The following CEP97 variants were observed in gnomAD, a reference collection of about 807,000 sequenced individuals.
CEP97 encodes centrosomal protein of 97 kDa.
A neutral mutation model predicts 73.1 loss-of-function variants in CEP97; 43 were observed. That is an observed-to-expected ratio of 0.59 (90% confidence interval 0.46 to 0.76). The LOEUF (loss-of-function observed/expected upper bound fraction) is 0.76. Among genes scored for constraint, CEP97 ranks in the 30% least tolerant of loss-of-function variants. The probability of loss-of-function intolerance (pLI) is 0.00; values close to 1 mark genes in which losing one functional copy is unlikely to be tolerated. For missense variants in CEP97, 939 were observed against 1,014.0 expected (o/e 0.93, Z 1.00); for synonymous variants, 337 against 370.0 (o/e 0.91, Z 1.02).
chr3:101,769,042 T>C lies in CEP97; in HGVS notation c.*3491T>C, dbSNP rs2107204334. On this transcript the variant is annotated 3_prime_UTR_variant, in exon 11 of 11. Transcript: ENST00000341893. ...TCTTGAGCGTGTGTTTTTATCTGTT[T>C]TGGATTATTTTTTGTATACAAACAC... 1 of 152,340 alleles carries C rather than the reference T, an allele frequency of 6.6e-6. No homozygotes were observed. The highest frequency in any genetic ancestry group is 1.9e-4 in the East Asian group (1 of 5,192). The allele number at this position is 152,340 out of a possible 1,614,324, so 9.4% of individuals were successfully genotyped here. A position where few individuals can be genotyped will look rare whatever the true frequency, so the allele number is the denominator to read the frequency against.
intron 6 of CEP97, among the ~76,000 whole-genome samples, chr3:101,747,258 CTTT>C (rs35085560): frequency 1.5e-5 from 2 of 129,730 alleles, no homozygotes; most frequent in Non-Finnish European, 3.3e-5. Context: ...TTCAGAACTC[CTTT>C]TTTTTTTTTT....
chr3:101,729,423 G>A (rs1460537551), intron 4 of CEP97, among the ~76,000 whole-genome samples: 1 of 151,966 alleles, frequency 6.6e-6, no homozygotes, highest in Non-Finnish European at 1.5e-5. Context: ...TTTATTTGAT[G>A]TGAAACTGGT....
chr3:101,726,505 A>G (rs1056785163), intron 1 of CEP97, 89 bp from the exon 2 acceptor site: 2 of 911,910 alleles, frequency 2.2e-6, no homozygotes, highest in African/African-American at 1.7e-5. Flanking sequence ...TTGAAATGGT[A>G]TAGAGATTTT....
At chr3:101,732,023 T>C in intron 5 of CEP97, 70 bp downstream of exon 5, 1 of 882,246 alleles carries the variant, frequency 1.1e-6, no homozygotes, top group East Asian at 2.4e-5. Context: ...GAGAGGGTTG[T>C]GAGCTTACTT....
Position 101,752,648 on chromosome 3 carries a change from C to T in CEP97, c.729-2782C>T, listed in dbSNP as rs574667343. ...TCTCGCTTCATTTCATTCATTTCAT[C>T]TTCCATCACTGATACCCTTTCTTCC... On this transcript the variant is annotated intron_variant, in intron 6 of 10. Coordinates refer to ENST00000341893, the MANE Select transcript of CEP97 (RefSeq NM_024548.4). Among the ~76,000 whole-genome samples the T allele has an allele frequency of 3.1e-3, 472 of 152,280 alleles. 22 individuals carry two copies. In the East Asian group the frequency reaches 0.088, roughly 28 times the overall value.
At chr3:101,735,863 G>A (rs1237546565) in intron 6 of CEP97, among the ~76,000 whole-genome samples, 1 of 152,290 alleles carries the variant, frequency 6.6e-6, no homozygotes, top group East Asian at 1.9e-4. Flanking sequence ...CACTCCTCTG[G>A]AAAGGGGGCT....
Position 101,728,935 on chromosome 3 carries a change from AAAGT to A in CEP97, c.447+4_447+7del, listed in dbSNP as rs779253364. The A allele has an allele frequency of 4.0e-5, 58 of 1,456,328 alleles. No homozygotes were observed. Among genetic ancestry groups the A allele is most frequent in the Non-Finnish European group, 5.6e-5 (58 of 1,040,744 alleles). The allele number at this position is 1,456,328 out of a possible 1,614,324, so 90.2% of individuals were successfully genotyped here. A position where few individuals can be genotyped will look rare whatever the true frequency, so the allele number is the denominator to read the frequency against. ...TGATCTATCTAAATTGGTATCCCTG[AAAGT>A]AAGTATGTTTTCTTTGTCATTTGTG... On this transcript the variant is annotated splice_donor_variant and coding_sequence_variant, in exon 4 of 11. Transcript: ENST00000341893. LOFTEE classifies it high-confidence loss of function.
intron 6 of CEP97, among the ~76,000 whole-genome samples, chr3:101,747,829 T>C (rs1938671546): frequency 6.6e-6 from 1 of 151,604 alleles, no homozygotes; most frequent in African/African-American, 2.4e-5. Context: ...GACTTGAAAT[T>C]AATATGTTAG....
intron 3 of CEP97, 163 bp from the exon 4 acceptor site, chr3:101,728,673 A>T (rs768835215): frequency 3.3e-6 from 2 of 599,704 alleles, no homozygotes; most frequent in East Asian, 5.6e-5. Flanking sequence ...CTGACAATCT[A>T]CTAAATTCTG....
At chr3:101,760,245 G>A (rs935017317) in intron 9 of CEP97, among the ~76,000 whole-genome samples, 9 of 152,094 alleles carry the variant, frequency 5.9e-5, no homozygotes, top group African/African-American at 2.2e-4. Context: ...AATGAGGAGA[G>A]GGTGAAGGAG....
intron 9 of CEP97, among the ~76,000 whole-genome samples, chr3:101,761,629 A>T (rs1365268418): frequency 1.3e-5 from 2 of 152,212 alleles, no homozygotes; most frequent in Non-Finnish European, 2.9e-5. Flanking sequence ...AGGGAAAAAT[A>T]GCTTCCACTT....
chr3:101,741,662 CTCA>C (rs1266297811), intron 6 of CEP97, among the ~76,000 whole-genome samples: 1 of 152,160 alleles, frequency 6.6e-6, no homozygotes, highest in Non-Finnish European at 1.5e-5. Flanking sequence ...TGAAAAAAAG[CTCA>C]TCATCACTGG....
Position 101,770,551 on chromosome 3 carries a change from T to G in CEP97, c.*5000T>G, listed in dbSNP as rs532797864. ...GTCTGTCTAATTTTAAATAAAAGGTTTATACATTTGAGTGCTTCATCTGTT... is the reference window on the plus strand; with the variant it reads ...GTCTGTCTAATTTTAAATAAAAGGTGTATACATTTGAGTGCTTCATCTGTT... On this transcript the variant is annotated 3_prime_UTR_variant, in exon 11 of 11. Transcript: ENST00000341893. 1 of 152,342 alleles carries G rather than the reference T, an allele frequency of 6.6e-6. No individual in the cohort carries two copies. Among genetic ancestry groups the G allele is most frequent in the African/African-American group, 2.4e-5 (1 of 41,582 alleles). 9.4% of individuals were successfully genotyped at this position (152,342 alleles called of 1,614,324 possible). A position where few individuals can be genotyped will look rare whatever the true frequency, so the allele number is the denominator to read the frequency against.
chr3:101,736,527 T>C (rs750810238), intron 6 of CEP97, among the ~76,000 whole-genome samples: 6 of 152,254 alleles, frequency 3.9e-5, no homozygotes, highest in Non-Finnish European at 5.9e-5. Flanking sequence ...TTTGCTGTTC[T>C]GCAGCCTCTG....
At chr3:101,752,367 T>G (rs1417887897) in intron 6 of CEP97, among the ~76,000 whole-genome samples, 1 of 152,134 alleles carries the variant, frequency 6.6e-6, no homozygotes, top group Non-Finnish European at 1.5e-5. Context: ...CTGACAATTA[T>G]GTGTCTTGGA....
In CEP97 at chr3:101,767,203, T is replaced by A. The variant is rs1432757861; in HGVS notation, c.*1652T>A. ...ACGACTTGGATTTTATTCTTAGAAA[T>A]CCAGAATCCCTTGAAAAGGAAATAT... On this transcript the variant is annotated 3_prime_UTR_variant, in exon 11 of 11. Coordinates refer to ENST00000341893, the MANE Select transcript of CEP97 (RefSeq NM_024548.4). 6 of 152,208 alleles carry A rather than the reference T, an allele frequency of 3.9e-5. No individual in the cohort carries two copies. The highest frequency in any genetic ancestry group is 1.5e-5 in the Non-Finnish European group (1 of 68,034). The allele number at this position is 152,208 out of a possible 1,614,324, so 9.4% of individuals were successfully genotyped here. A position where few individuals can be genotyped will look rare whatever the true frequency, so the allele number is the denominator to read the frequency against.
intron 6 of CEP97, among the ~76,000 whole-genome samples, chr3:101,741,837 C>T (rs1295237623): frequency 6.6e-6 from 1 of 151,880 alleles, no homozygotes; most frequent in Non-Finnish European, 1.5e-5. Flanking sequence ...GTCAGAAGTT[C>T]GAGACCAGCC....
At chr3:101,762,850 C>A (rs1289244263) in intron 10 of CEP97, among the ~76,000 whole-genome samples, 2 of 152,106 alleles carry the variant, frequency 1.3e-5, no homozygotes, top group Non-Finnish European at 2.9e-5. Flanking sequence ...ACAACAACCC[C>A]AATTTGAAAT....
At chr3:101,754,548 C>G (rs1279404865) in intron 6 of CEP97, among the ~76,000 whole-genome samples, 1 of 152,142 alleles carries the variant, frequency 6.6e-6, no homozygotes, top group Non-Finnish European at 1.5e-5. Context: ...TGTAGATTTG[C>G]TGTGCTGACT....
Sources: allele counts gnomAD v4.1 joint callset (sites outside exome capture counted in the v4.1 genomes callset), GRCh38; gene constraint gnomAD v4.1.1; transcripts MANE v1.5; gene names NCBI Gene and HGNC (gene_info 2026-07-23, HGNC 2026-07-21).